TSNARE1: variants seen among roughly 807,000 people sequenced by gnomAD.
TSNARE1 encodes the protein t-SNARE domain containing 1.
TSNARE1 carries 49 observed loss-of-function variants against 62.0 expected under a neutral mutation model. The ratio of observed to expected loss-of-function variants is 0.79; its 90% CI spans 0.63 to 1.00. The LOEUF is 1.00. TSNARE1 is among the 50% of genes least tolerant of loss of function. The pLI is 0.00. For missense variants in TSNARE1, 755 were observed against 700.1 expected (o/e 1.08, Z -0.88); for synonymous variants, 328 against 294.4 (o/e 1.11, Z -1.17).
intron 12 of TSNARE1, among the ~76,000 whole-genome samples, chr8:142,241,207 A>G (rs886988511): frequency 6.3e-4 from 96 of 152,340 alleles, no homozygotes; most frequent in African/African-American, 2.1e-3. Context: ...AAAATCAGTC[A>G]CGTTTCTATA....
At chr8:142,243,193 G>C (rs1258718686) in intron 12 of TSNARE1, among the ~76,000 whole-genome samples, 1 of 152,098 alleles carries the variant, frequency 6.6e-6, no homozygotes, top group Admixed American at 6.6e-5. Context: ...ACAGTACAGA[G>C]GTTCCTCAAA....
At chr8:142,402,353 T>C (rs1838356264) in intron 1 of TSNARE1, among the ~76,000 whole-genome samples, 1 of 152,210 alleles carries the variant, frequency 6.6e-6, no homozygotes, top group Non-Finnish European at 1.5e-5. Context: ...GTGTCGGACA[T>C]GTGACCACTG....
chr8:142,345,478 G>A (rs995599380), intron 3 of TSNARE1, among the ~76,000 whole-genome samples: 2 of 152,214 alleles, frequency 1.3e-5, no homozygotes, highest in East Asian at 3.9e-4. Flanking sequence ...AGCCCCCAGC[G>A]GGAGCACCCC....
intron 12 of TSNARE1, chr8:142,273,066 AGT>A: frequency 3.0e-6 from 3 of 985,298 alleles, no homozygotes; most frequent in Non-Finnish European, 3.6e-6. Context: ...CCTCCTCTGC[AGT>A]GTGTCGGGGG....
intron 13 of TSNARE1, among the ~76,000 whole-genome samples, chr8:142,225,187 T>G (rs542650898): frequency 1.3e-4 from 20 of 149,148 alleles, no homozygotes; most frequent in African/African-American, 5.0e-4. Context: ...CATGCAGATG[T>G]GGACACGGCT....
upstream of TSNARE1, chr8:142,404,832 G>C (rs1243252945): frequency 6.6e-6 from 1 of 152,336 alleles, no homozygotes; most frequent in Non-Finnish European, 1.5e-5. Context: ...CGTGGCTGGC[G>C]CTGTCTGTCT....
At chr8:142,215,240 G>A (rs1271777767) in intron 13 of TSNARE1, among the ~76,000 whole-genome samples, 2 of 152,184 alleles carry the variant, frequency 1.3e-5, no homozygotes, top group African/African-American at 4.8e-5. Flanking sequence ...GCCAGACCAG[G>A]ATCCAGCTGT....
rs371798965 is a variant in TSNARE1, at chr8:142,387,694, A to C, written c.-40+15410T>G. On this transcript the variant is annotated intron_variant, in intron 1 of 13. Coordinates refer to ENST00000524325, the MANE Select transcript of TSNARE1 (RefSeq NM_145003.5). ...GGAAAATATTTACAAAACTGATCCC[A>C]GAAAGTTCAAACAGAGTAATTTCCA... Among the ~76,000 whole-genome samples, 8 of 152,190 alleles carry C rather than the reference A, an allele frequency of 5.3e-5. No homozygotes were observed. The South Asian group carries it at 6.2e-4, about 12-fold the overall frequency.
At chr8:142,315,597 G>A (rs1298283437) in intron 7 of TSNARE1, among the ~76,000 whole-genome samples, 1 of 152,208 alleles carries the variant, frequency 6.6e-6, no homozygotes, top group African/African-American at 2.4e-5. Flanking sequence ...CTGCTTCAGA[G>A]CTGGAGCTGG....
Position 142,299,265 on chromosome 8 carries a change from T to A in TSNARE1, c.1290+1221A>T, listed in dbSNP as rs566448380. 2.0e-5 allele frequency among the ~76,000 whole-genome samples: 3 copies of A among 152,356 alleles called. No individual in the cohort carries two copies. The East Asian group carries it at 5.8e-4, about 29-fold the overall frequency. Reference sequence around the variant, plus strand: ...GGCTGAGCCCCAGCACTGTGGGGTATTCCCTTCCTTCGAGAGTGGAAGACC... The same window carrying A: ...GGCTGAGCCCCAGCACTGTGGGGTAATCCCTTCCTTCGAGAGTGGAAGACC... On this transcript the variant is annotated intron_variant, in intron 10 of 13. Coordinates refer to ENST00000524325, the MANE Select transcript of TSNARE1 (RefSeq NM_145003.5).
chr8:142,343,544 G>A (rs1345726568), intron 4 of TSNARE1, among the ~76,000 whole-genome samples: 1 of 151,762 alleles, frequency 6.6e-6, no homozygotes, highest in Non-Finnish European at 1.5e-5. Context: ...TGTCCTGCCT[G>A]TCTGCATGCT....
intron 12 of TSNARE1, among the ~76,000 whole-genome samples, chr8:142,265,452 AAC>A (rs1321650935): frequency 1.3e-5 from 2 of 152,172 alleles, no homozygotes; most frequent in African/African-American, 2.4e-5. Context: ...TCCTGGGTAG[AAC>A]TCCACTGTGT....
intron 12 of TSNARE1, chr8:142,270,464 A>G: frequency 1.0e-6 from 1 of 974,138 alleles, no homozygotes; most frequent in Non-Finnish European, 1.2e-6. Context: ...CCCATACAGT[A>G]CCAAGTAATA....
rs954420652 is a variant in TSNARE1 at position 142,357,993 on chromosome 8, G to A, written c.-39-3230C>T. 9.5e-3 allele frequency among the ~76,000 whole-genome samples: 1,403 copies of A among 148,144 alleles called. 7 individuals carry two copies. Among genetic ancestry groups the A allele is most frequent in the Non-Finnish European group, 0.013 (880 of 67,110 alleles). On this transcript the variant is annotated intron_variant, in intron 1 of 13. Transcript: ENST00000524325. ...TTTCAGGACAAGGGGAGCAGCCAGC[G>A]GCCATCACTGCAAAGGGCGGCGGGG...
rs1563751255 is a variant in TSNARE1 at position 142,218,051 on chromosome 8, G to C, written c.*12-5738C>G. On this transcript the variant is annotated intron_variant, in intron 13 of 13. Transcript: ENST00000524325. ...AGGGCCCAGTATGTGACCAGGATCA[G>C]GGCTCAGAGTGTGAGCAGGATCAGG... Among the ~76,000 whole-genome samples, 19 of 82,416 alleles carry C rather than the reference G, an allele frequency of 2.3e-4. 2 individuals carry two copies. Among genetic ancestry groups the C allele is most frequent in the Non-Finnish European group, 2.8e-4 (11 of 39,940 alleles). The allele number at this position is 82,416 out of a possible 152,430, so 54.1% of individuals were successfully genotyped here.
At chr8:142,276,886 A>C (rs115149028) in intron 11 of TSNARE1, 1 of 985,322 alleles carries the variant, frequency 1.0e-6, no homozygotes, top group Non-Finnish European at 1.2e-6. Flanking sequence ...ACCACTGCCC[A>C]GCTCCGCAGC....
intron 10 of TSNARE1, among the ~76,000 whole-genome samples, chr8:142,296,993 A>C (rs911788743): frequency 1.3e-5 from 2 of 152,138 alleles, no homozygotes; most frequent in South Asian, 4.1e-4. Flanking sequence ...ACGGCCCGCT[A>C]CACTCTGCCT....
At chr8:142,233,834 G>C (rs1260952893) in intron 12 of TSNARE1, among the ~76,000 whole-genome samples, 1 of 152,168 alleles carries the variant, frequency 6.6e-6, no homozygotes, top group Non-Finnish European at 1.5e-5. Flanking sequence ...GATGTCCCAA[G>C]TCATGCTGAG....
chr8:142,373,431 A>G (rs1836052169), intron 1 of TSNARE1, among the ~76,000 whole-genome samples: 1 of 152,152 alleles, frequency 6.6e-6, no homozygotes, highest in South Asian at 2.1e-4. Flanking sequence ...TGGCAGGGCC[A>G]ATCCAGACTC....
Sources: allele counts gnomAD v4.1 joint callset (sites outside exome capture counted in the v4.1 genomes callset), GRCh38; gene constraint gnomAD v4.1.1; transcripts MANE v1.5; gene names NCBI Gene and HGNC (gene_info 2026-07-23, HGNC 2026-07-21).